The following LPXN variants were observed in gnomAD, a reference collection of about 807,000 sequenced individuals.
The protein encoded by LPXN is leupaxin.
In LPXN, 28 loss-of-function variants were observed where a neutral mutation model predicts 45.6. The ratio of observed to expected loss-of-function variants is 0.61; its 90% CI spans 0.45 to 0.84. LPXN has a LOEUF of 0.84. LPXN is among the 40% of genes least tolerant of loss of function. LPXN has a pLI of 0.00. For synonymous variants in LPXN, 166 were observed against 169.9 expected (o/e 0.98, Z 0.18); for missense variants, 459 against 475.0 (o/e 0.97, Z 0.31).
chr11:58,571,175 G>C (rs1854684913), intron 1 of LPXN, among the ~76,000 whole-genome samples: 1 of 151,884 alleles, frequency 6.6e-6, no homozygotes, highest in African/African-American at 2.4e-5. Flanking sequence ...CAGTCTGTAT[G>C]AAAAATACAA....
At chr11:58,576,656 C>T (rs192898643), upstream of LPXN, among the ~76,000 whole-genome samples, 45 of 152,294 alleles carry the variant, frequency 3.0e-4, no homozygotes, top group Non-Finnish European at 5.7e-4. Context: ...AGATTTTTTC[C>T]CCCTTTTTAC....
intron 2 of LPXN, among the ~76,000 whole-genome samples, chr11:58,565,162 C>A (rs1410780806): frequency 6.6e-6 from 1 of 152,170 alleles, no homozygotes; most frequent in Non-Finnish European, 1.5e-5. Flanking sequence ...ATTGGCCAGG[C>A]ATGGTGGCTC....
intron 7 of LPXN, among the ~76,000 whole-genome samples, chr11:58,536,925 G>A (rs772293973): frequency 2.0e-5 from 3 of 152,010 alleles, no homozygotes; most frequent in Non-Finnish European, 4.4e-5. Flanking sequence ...CATCATCACT[G>A]GTCATTAGAG....
chr11:58,562,627 T>G (rs1327206009), intron 3 of LPXN, among the ~76,000 whole-genome samples: 1 of 151,866 alleles, frequency 6.6e-6, no homozygotes, highest in Non-Finnish European at 1.5e-5. Context: ...CAGAAGACAC[T>G]GAATAACCCA....
chr11:58,557,011 A>G (rs1353292226), intron 3 of LPXN, among the ~76,000 whole-genome samples: 1 of 152,202 alleles, frequency 6.6e-6, no homozygotes, highest in African/African-American at 2.4e-5. Context: ...CCACTCACAA[A>G]CAGATGGCTA....
intron 8 of LPXN, 114 bp downstream of exon 8, chr11:58,527,929 G>T: frequency 7.9e-7 from 1 of 1,272,924 alleles, no homozygotes. Context: ...TTTAGGATGC[G>T]CACATCCATT....
At chr11:58,548,007 G>T (rs1008122964) in intron 7 of LPXN, among the ~76,000 whole-genome samples, 9 of 151,796 alleles carry the variant, frequency 5.9e-5, no homozygotes, top group African/African-American at 2.2e-4. Flanking sequence ...CATACAAAGG[G>T]GGAAGAATGG....
chr11:58,564,235 A>G lies in LPXN; in HGVS notation c.172-34T>C, dbSNP rs190424841. 923 of 1,507,026 alleles carry G rather than the reference A, an allele frequency of 6.1e-4. 4 individuals carry two copies. Among genetic ancestry groups the G allele is most frequent in the Non-Finnish European group, 8.2e-4 (891 of 1,091,028 alleles). The allele number at this position is 1,507,026 out of a possible 1,614,324, so 93.4% of individuals were successfully genotyped here. ...TATAAGTGACAAGAGAAGAGCAAAG[A>G]ATAAATTTTTGTTATCAGAATGTTG... On this transcript the variant is annotated intron_variant, in intron 2 of 8. Transcript: ENST00000395074.
At chr11:58,564,289 T>C (rs956805774) in intron 2 of LPXN, 88 bp from the exon 3 acceptor site, 19 of 839,440 alleles carry the variant, frequency 2.3e-5, no homozygotes, top group East Asian at 1.7e-4. Context: ...AGTTAATAGA[T>C]GTTTGTAGCT....
At chr11:58,578,831 T>C (rs962439265), upstream of LPXN, among the ~76,000 whole-genome samples, 3 of 151,506 alleles carry the variant, frequency 2.0e-5, no homozygotes, top group East Asian at 2.0e-4. Flanking sequence ...CTAGCGCGCG[T>C]TGAAGTCTGG....
At chr11:58,532,689 C>G (rs115811384) in intron 7 of LPXN, among the ~76,000 whole-genome samples, 4,041 of 152,244 alleles carry the variant, frequency 0.027, 182 homozygotes, top group African/African-American at 0.092. Context: ...CAAGACAGAC[C>G]AAACAGCTCT....
chr11:58,541,442 CTCA>C (rs1853719555), intron 7 of LPXN, among the ~76,000 whole-genome samples: 2 of 152,090 alleles, frequency 1.3e-5, no homozygotes, highest in Non-Finnish European at 2.9e-5. Flanking sequence ...TGGAAAAATG[CTCA>C]TCATCACTGG....
chr11:58,553,426 T>G (rs1212695569), intron 4 of LPXN, among the ~76,000 whole-genome samples: 1 of 151,346 alleles, frequency 6.6e-6, no homozygotes, highest in African/African-American at 2.4e-5. Flanking sequence ...CGCAACACAA[T>G]TAAATCTAAT....
Position 58,550,109 on chromosome 11 carries a change from T to C in LPXN, c.524A>G (p.His175Arg). 1.2e-6 allele frequency: 2 copies of C among 1,614,108 alleles called. No homozygotes were observed. Among genetic ancestry groups the C allele is most frequent in the Non-Finnish European group, 1.7e-6 (2 of 1,179,962 alleles). Residue 175 changes from histidine (H) to arginine (R), a missense_variant, in exon 6 of 9, where the codon CAT (histidine) becomes CGT (arginine). Physicochemically the swap from His to Arg is conservative, Grantham distance 29. Transcript: ENST00000395074. ...HALGQSWHPE[H>R]FVCTHCKEEI... is the part of the protein sequence containing the mutation. ...TTCTTTGCAATGAGTACAGACAAAATGCTCAGGATGCCATGATTGCCCTAG... is the reference window on the plus strand; with the variant it reads ...TTCTTTGCAATGAGTACAGACAAAACGCTCAGGATGCCATGATTGCCCTAG...
intron 7 of LPXN, among the ~76,000 whole-genome samples, chr11:58,528,596 C>T (rs1853298031): frequency 6.6e-6 from 1 of 152,156 alleles, no homozygotes; most frequent in Admixed American, 6.6e-5. Context: ...ATGGCATTTA[C>T]CTTTATTTAA....
intron 7 of LPXN, among the ~76,000 whole-genome samples, chr11:58,540,872 T>C (rs1316321373): frequency 1.3e-5 from 2 of 152,004 alleles, no homozygotes; most frequent in Non-Finnish European, 2.9e-5. Flanking sequence ...AATCAATGAA[T>C]AGCCGCAAAA....
intron 7 of LPXN, among the ~76,000 whole-genome samples, chr11:58,534,764 T>TA: frequency 6.6e-6 from 1 of 151,810 alleles, no homozygotes; most frequent in South Asian, 2.1e-4. Context: ...ACAAAATAGA[T>TA]AGACTACTAG....
chr11:58,535,574 G>A (rs1853525737), intron 7 of LPXN, among the ~76,000 whole-genome samples: 1 of 152,170 alleles, frequency 6.6e-6, no homozygotes, highest in African/African-American at 2.4e-5. Flanking sequence ...TATTGAATGG[G>A]CAAAACCTGG....
At chr11:58,552,691 T>A (rs142143570) in intron 4 of LPXN, among the ~76,000 whole-genome samples, 1 of 152,350 alleles carries the variant, frequency 6.6e-6, no homozygotes, top group Non-Finnish European at 1.5e-5. Context: ...TCATTTTGCT[T>A]CGAGACATTT....
Sources: allele counts gnomAD v4.1 joint callset (sites outside exome capture counted in the v4.1 genomes callset), GRCh38; gene constraint gnomAD v4.1.1; transcripts MANE v1.5; gene names NCBI Gene and HGNC (gene_info 2026-07-23, HGNC 2026-07-21).